Variants in SLC22A11 observed in about 807,000 individuals in gnomAD.
SLC22A11 encodes organic anion transporter 4.
A neutral mutation model predicts 49.4 loss-of-function variants in SLC22A11; 42 were observed. The observed-to-expected ratio is 0.85, with a 90% CI of 0.66 to 1.10. The LOEUF (loss-of-function observed/expected upper bound fraction) is 1.10. Ranked by LOEUF, SLC22A11 falls within the 50% of genes least tolerant of loss-of-function variation. The pLI, the probability that SLC22A11 is intolerant of heterozygous loss-of-function variation, is 0.00. For synonymous variants in SLC22A11, 304 were observed against 315.8 expected (o/e 0.96, Z 0.40); for missense variants, 685 against 731.6 (o/e 0.94, Z 0.74).
At chr11:64,560,836 G>T (rs1040273263) in intron 2 of SLC22A11, among the ~76,000 whole-genome samples, 7 of 152,178 alleles carry the variant, frequency 4.6e-5, no homozygotes, top group Non-Finnish European at 8.8e-5. Flanking sequence ...ACTCCCTCCT[G>T]CCACCACCCT....
rs756040639 is a variant in SLC22A11, at chr11:64,562,104, C to A, written c.598C>A (p.Arg200=). The part of the protein sequence containing the change: ...APTFVIYCGL[R]FVAAFGMAGI... ...AACATTCGTCATCTACTGCGGCCTG[C>A]GGTTCGTGGCCGCTTTTGGGATGGC... Residue 200 remains arginine (R), a synonymous_variant, in exon 3 of 10, where the codon CGG becomes AGG. Coordinates refer to ENST00000301891, the MANE Select transcript of SLC22A11 (RefSeq NM_018484.4). The surrounding 1 kb of genome is among the most constrained non-coding windows in gnomAD (Gnocchi z 4.4). 9.3e-6 allele frequency: 15 copies of A among 1,613,790 alleles called. No homozygotes were observed. The highest frequency in any genetic ancestry group is 3.3e-5 in the South Asian group (3 of 91,086).
intron 1 of SLC22A11, among the ~76,000 whole-genome samples, chr11:64,557,772 T>C (rs184375387): frequency 5.3e-5 from 8 of 150,660 alleles, no homozygotes; most frequent in Admixed American, 3.3e-4. Flanking sequence ...GCTAGGACTA[T>C]AGGCACATAC....
chr11:64,559,261 G>T (rs1173665766), intron 2 of SLC22A11, 23 bp downstream of exon 2: 1 of 1,506,570 alleles, frequency 6.6e-7, no homozygotes, highest in Admixed American at 2.0e-5. Flanking sequence ...GCTCCTCCCA[G>T]CCCCCAGCTC....
intron 9 of SLC22A11, among the ~76,000 whole-genome samples, chr11:64,570,154 C>T (rs1016519595): frequency 7.2e-5 from 11 of 152,362 alleles, no homozygotes; most frequent in African/African-American, 2.2e-4. Flanking sequence ...CCTGGGCCCA[C>T]GTTCCCCACC....
intron 1 of SLC22A11, among the ~76,000 whole-genome samples, chr11:64,558,422 G>A (rs962093740): frequency 2.0e-5 from 3 of 152,176 alleles, no homozygotes; most frequent in African/African-American, 7.2e-5. Flanking sequence ...AGAGAGAGGT[G>A]GAGGGAGCTG....
rs72559737 is a variant in SLC22A11, at chr11:64,559,224, C to G, written c.483C>G (p.Gly161=). Residue 161 remains glycine (G), a synonymous_variant, in exon 2 of 10, where the codon GGC becomes GGG. Transcript: ENST00000301891. The part of the protein sequence containing the change: ...SGILVGSFIW[G]LLSYRFGRKP... ...TCCTGGTGGGCTCCTTTATCTGGGG[C>G]CTCCTCTCCTACCGGTGAGTGCCTC... 1 of 1,606,412 alleles carries G rather than the reference C, an allele frequency of 6.2e-7. No individual in the cohort carries two copies. The highest frequency in any genetic ancestry group is 1.3e-5 in the African/African-American group (1 of 74,560).
In SLC22A11 at chr11:64,559,220, G is replaced by A. The variant is rs776597139; in HGVS notation, c.479G>A (p.Trp160Ter). Residue 160 changes from tryptophan (W) to a stop codon, truncating the protein, a stop_gained, in exon 2 of 10, where the codon TGG becomes TAG. Coordinates refer to ENST00000301891, the MANE Select transcript of SLC22A11 (RefSeq NM_018484.4). LOFTEE classifies it high-confidence loss of function. ...MSGILVGSFI[W>*]GLLSYRFGRK... ...GGGATCCTGGTGGGCTCCTTTATCT[G>A]GGGCCTCCTCTCCTACCGGTGAGTG... The A allele has an allele frequency of 3.7e-6, 6 of 1,607,704 alleles. No individual in the cohort carries two copies. Among genetic ancestry groups the A allele is most frequent in the Non-Finnish European group, 5.1e-6 (6 of 1,176,172 alleles).
intron 6 of SLC22A11, among the ~76,000 whole-genome samples, chr11:64,567,333 C>T (rs773842709): frequency 9.9e-5 from 15 of 152,242 alleles, no homozygotes; most frequent in Non-Finnish European, 2.1e-4. Context: ...AGAGAGGCAA[C>T]GCCCCAGCGC....
In SLC22A11 at chr11:64,565,394, CTGGGACAGGCAGGAGGCA is replaced by C. The variant is rs2038610957; in HGVS notation, c.1058+58_1058+75del. On this transcript the variant is annotated intron_variant, in intron 6 of 9. Transcript: ENST00000301891. This position sits in a 1 kb window ranked among gnomAD's most constrained non-coding sequence, Gnocchi z 4.1. The stretch of plus-strand genomic sequence containing the variant: ...GGGCTGGGACAGGCAGGAGGCAGAG[CTGGGACAGGCAGGAGGCA>C]GAGCGTCCAGGGGAAACAGCACCCG... 2 of 1,400,596 alleles carry C rather than the reference CTGGGACAGGCAGGAGGCA, an allele frequency of 1.4e-6. No individual in the cohort carries two copies. Among genetic ancestry groups the C allele is most frequent in the Non-Finnish European group, 2.0e-6 (2 of 1,020,944 alleles). The allele number at this position is 1,400,596 out of a possible 1,614,324, so 86.8% of individuals were successfully genotyped here.
intron 1 of SLC22A11, among the ~76,000 whole-genome samples, chr11:64,558,664 G>A (rs1016037213): frequency 6.6e-6 from 1 of 152,164 alleles, no homozygotes; most frequent in Non-Finnish European, 1.5e-5. Flanking sequence ...CCAGCACTCA[G>A]TAGAGGTGGA....
intron 8 of SLC22A11, among the ~76,000 whole-genome samples, chr11:64,569,304 C>T (rs1379907598): frequency 6.6e-6 from 1 of 152,234 alleles, no homozygotes; most frequent in Non-Finnish European, 1.5e-5. Flanking sequence ...CTTTCCACCA[C>T]TCACTCATTT....
chr11:64,568,856 GGCAGCCAGGGAAAT>G lies in SLC22A11; in HGVS notation c.1382+89_1382+102del, dbSNP rs1462254461. On this transcript the variant is annotated intron_variant, in intron 8 of 9. Coordinates refer to ENST00000301891, the MANE Select transcript of SLC22A11 (RefSeq NM_018484.4). ...GCGGTGGGAAGGGAAAGAAGGGTCT[GGCAGCCAGGGAAAT>G]GCAGCCAGGGCCGCTCAGGGTCCCC... The G allele has an allele frequency of 9.6e-6, 13 of 1,354,058 alleles. No individual in the cohort carries two copies. The Admixed American group carries it at 1.9e-4, about 19-fold the overall frequency. The allele number at this position is 1,354,058 out of a possible 1,614,324, so 83.9% of individuals were successfully genotyped here.
intron 2 of SLC22A11, among the ~76,000 whole-genome samples, chr11:64,560,555 A>C (rs2038529195): frequency 6.6e-6 from 1 of 152,108 alleles, no homozygotes; most frequent in Non-Finnish European, 1.5e-5. Flanking sequence ...TTGTGCCCAC[A>C]CGCAGGCCGC....
At position 64,570,987 on chromosome 11, in the gene SLC22A11, C is replaced by T; in HGVS notation, c.1598C>T (p.Thr533Ile). The T allele has an allele frequency of 3.1e-6, 5 of 1,614,240 alleles. No individual in the cohort carries two copies. Among genetic ancestry groups the T allele is most frequent in the Non-Finnish European group, 4.2e-6 (5 of 1,180,040 alleles). ...TCTTTGGATTATTCTAGGAAATCAA[C>T]AGCAGCCCAGGGCAACCGGCAAGAG... The part of the protein sequence containing the change: ...TIQDLESQKS[T>I]AAQGNRQEAV... Residue 533 changes from threonine to isoleucine, a missense_variant, in exon 10 of 10, where the codon ACA becomes ATA. By Grantham distance (89) the Thr-to-Ile change is moderately conservative. Transcript: ENST00000301891.
chr11:64,569,561 C>A (rs1293432226), intron 8 of SLC22A11, 91 bp from the exon 9 acceptor site: 1 of 1,381,466 alleles, frequency 7.2e-7, no homozygotes, highest in Non-Finnish European at 1.0e-6. Flanking sequence ...CTCAGCCCAG[C>A]TTTCCTTCCC....
chr11:64,559,007 T>C lies in SLC22A11; in HGVS notation c.394-128T>C, dbSNP rs1591372307. 9 of 765,746 alleles carry C rather than the reference T, an allele frequency of 1.2e-5. No homozygotes were observed. The South Asian group carries it at 1.3e-4, about 11-fold the overall frequency. The allele number at this position is 765,746 out of a possible 1,614,324, so 47.4% of individuals were successfully genotyped here. ...GAGTTGCAGCCCCATGGCCAGCAGG[T>C]CCTCTCTACCTCTGTGACCTGGCAC... On this transcript the variant is annotated intron_variant, in intron 1 of 9. Coordinates refer to ENST00000301891, the MANE Select transcript of SLC22A11 (RefSeq NM_018484.4).
chr11:64,559,180 T>C lies in SLC22A11; in HGVS notation c.439T>C (p.Ser147Pro). ...SSQGLKPLSQ[S>P]IFMSGILVGS... ...CCAGGGCTTGAAGCCCCTAAGCCAG[T>C]CCATCTTCATGTCCGGGATCCTGGT... The change falls in exon 2 of 10, where the codon TCC becomes CCC. Residue 147 changes from serine to proline, a missense_variant. Transcript: ENST00000301891. 2 of 1,612,872 alleles carry C rather than the reference T, an allele frequency of 1.2e-6. No individual in the cohort carries two copies. Among genetic ancestry groups the C allele is most frequent in the Non-Finnish European group, 1.7e-6 (2 of 1,179,258 alleles).
intron 2 of SLC22A11, among the ~76,000 whole-genome samples, chr11:64,561,545 C>G (rs1293053301): frequency 6.6e-6 from 1 of 152,182 alleles, no homozygotes; most frequent in African/African-American, 2.4e-5. Context: ...AACTCCTGGG[C>G]TCAAGCCATC....
Position 64,555,988 on chromosome 11 carries a change from G to A in SLC22A11, c.-12G>A, listed in dbSNP as rs1420515320. 1.3e-6 allele frequency: 2 copies of A among 1,593,988 alleles called. No individual in the cohort carries two copies. Among genetic ancestry groups the A allele is most frequent in the Non-Finnish European group, 1.7e-6 (2 of 1,172,190 alleles). ...TAGGTCAGCAGTCCGCTCAGCCGAGGCAGCTCTGTTCATGGCGTTCTCGAA... is the reference window on the plus strand; with the variant it reads ...TAGGTCAGCAGTCCGCTCAGCCGAGACAGCTCTGTTCATGGCGTTCTCGAA... On this transcript the variant is annotated 5_prime_UTR_variant, in exon 1 of 10. Coordinates refer to ENST00000301891, the MANE Select transcript of SLC22A11 (RefSeq NM_018484.4).
Sources: gnomAD v4.1 joint callset for allele counts (sites outside exome capture counted in the v4.1 genomes callset) on GRCh38, gnomAD v4.1.1 for gene constraint, Gnocchi (gnomAD v3.1) non-coding constraint, MANE v1.5 for transcripts, NCBI Gene and HGNC (gene_info 2026-07-23, HGNC 2026-07-21) for gene names.